Variants in OPCML observed in about 807,000 individuals in gnomAD.
The protein encoded by OPCML is opioid binding protein/cell adhesion molecule like, also known as opioid-binding protein/cell adhesion molecule.
OPCML carries 13 observed loss-of-function variants against 37.8 expected under a neutral mutation model. The ratio of observed to expected loss-of-function variants is 0.34; its 90% CI spans 0.22 to 0.55. The LOEUF is 0.55. Among genes scored for constraint, OPCML ranks in the 20% least tolerant of loss-of-function variants. The pLI is 0.91. For missense variants in OPCML, 341 were observed against 435.6 expected, an observed-to-expected ratio of 0.78 and a Z score of 1.93; for synonymous variants, 176 against 168.8, an observed-to-expected ratio of 1.04 and a Z score of -0.33.
chr11:132,779,385 T>G (rs551178889), intron 2 of OPCML, among the ~76,000 whole-genome samples: 3 of 152,306 alleles, frequency 2.0e-5, no homozygotes, highest in South Asian at 4.1e-4. Context: ...GTTTTTCCCT[T>G]ACTCTTTATC....
intron 1 of OPCML, among the ~76,000 whole-genome samples, chr11:133,386,071 G>A (rs1945041956): frequency 6.6e-6 from 1 of 152,208 alleles, no homozygotes; most frequent in Non-Finnish European, 1.5e-5. Flanking sequence ...GGAAGTGTGT[G>A]TTAATGAGCT....
intron 7 of OPCML, 57 bp from the exon 8 acceptor site, chr11:132,420,350 C>G: frequency 6.3e-7 from 1 of 1,597,152 alleles, no homozygotes. Context: ...CACCATAGTT[C>G]TTCCCTGACA....
Position 133,133,582 on chromosome 11 carries a change from T to C in OPCML, c.62-190572A>G, listed in dbSNP as rs750174569. Among the ~76,000 whole-genome samples the C allele has an allele frequency of 4.4e-4, 67 of 152,248 alleles. No homozygotes were observed. The Middle Eastern group carries it at 0.014, about 31-fold the overall frequency. Reference sequence around the variant, plus strand: ...GATCACCCTCGGAAAACGTGTCCCTTATGCCATCCCCCAGGAAGTGTAGTA... The same window carrying C: ...GATCACCCTCGGAAAACGTGTCCCTCATGCCATCCCCCAGGAAGTGTAGTA... On this transcript the variant is annotated intron_variant, in intron 1 of 7. Coordinates refer to ENST00000524381, the MANE Select transcript of OPCML (RefSeq NM_001012393.5).
chr11:133,018,878 A>G (rs1263458534), intron 1 of OPCML, among the ~76,000 whole-genome samples: 2 of 152,236 alleles, frequency 1.3e-5, no homozygotes, highest in Non-Finnish European at 2.9e-5. Context: ...GAGGACTGAC[A>G]AAACCAAAGC....
chr11:133,040,487 TC>T (rs1167720487), intron 1 of OPCML, among the ~76,000 whole-genome samples: 3 of 152,216 alleles, frequency 2.0e-5, no homozygotes, highest in African/African-American at 7.2e-5. Flanking sequence ...AAATGGAATG[TC>T]CATGACTTCC....
chr11:132,740,475 G>T (rs1945402587), intron 2 of OPCML, among the ~76,000 whole-genome samples: 1 of 152,182 alleles, frequency 6.6e-6, no homozygotes, highest in South Asian at 2.1e-4. Context: ...AAGTTATTCT[G>T]CCCTGAGACA....
intron 2 of OPCML, among the ~76,000 whole-genome samples, chr11:132,880,029 A>G (rs2136425375): frequency 6.6e-6 from 1 of 152,210 alleles, no homozygotes; most frequent in East Asian, 1.9e-4. Flanking sequence ...CACTTCCCAG[A>G]TGCACACTAA....
At chr11:133,168,365 T>C (rs1209816914) in intron 1 of OPCML, among the ~76,000 whole-genome samples, 1 of 150,808 alleles carries the variant, frequency 6.6e-6, no homozygotes, top group Non-Finnish European at 1.5e-5. Context: ...AAAAGAGGAG[T>C]GGGGAAGGTG....
At chr11:133,386,944 G>T (rs1010501117) in intron 1 of OPCML, among the ~76,000 whole-genome samples, 1 of 152,112 alleles carries the variant, frequency 6.6e-6, no homozygotes, top group Non-Finnish European at 1.5e-5. Context: ...GGCTGCAGAG[G>T]GTCCTGCCCA....
intron 2 of OPCML, among the ~76,000 whole-genome samples, chr11:132,937,230 C>A (rs1338856313): frequency 2.0e-5 from 3 of 152,146 alleles, no homozygotes; most frequent in Non-Finnish European, 2.9e-5. Flanking sequence ...CCCTCAGAGC[C>A]AGCCACCTAG....
chr11:133,413,121 G>A (rs78784821), intron 1 of OPCML, among the ~76,000 whole-genome samples: 15,407 of 152,160 alleles, frequency 0.1, 1,168 homozygotes, highest in African/African-American at 0.19. Context: ...TGGGGATGTG[G>A]AGGGCAGTGA....
At chr11:133,226,472 C>G (rs1940044569) in intron 1 of OPCML, among the ~76,000 whole-genome samples, 2 of 152,182 alleles carry the variant, frequency 1.3e-5, no homozygotes, top group South Asian at 4.1e-4. Context: ...TTCTTGTATC[C>G]CTGAAGGAAT....
At chr11:132,656,974 C>T in intron 3 of OPCML, 113 bp downstream of exon 3, 1 of 1,496,318 alleles carries the variant, frequency 6.7e-7, no homozygotes, top group African/African-American at 1.4e-5. Context: ...ACTCTGAATT[C>T]AGTAGAGGAA....
intron 2 of OPCML, among the ~76,000 whole-genome samples, chr11:132,742,844 A>G (rs895428867): frequency 4.2e-4 from 63 of 151,100 alleles, no homozygotes; most frequent in African/African-American, 1.4e-3. Flanking sequence ...TATAATGTAT[A>G]CATATATAAT....
At chr11:133,323,038 C>A (rs913349470) in intron 1 of OPCML, among the ~76,000 whole-genome samples, 1 of 152,132 alleles carries the variant, frequency 6.6e-6, no homozygotes, top group African/African-American at 2.4e-5. Flanking sequence ...GGGTACAGGA[C>A]ACGAGTCAGA....
intron 4 of OPCML, among the ~76,000 whole-genome samples, chr11:132,454,543 C>T (rs565255377): frequency 1.3e-5 from 2 of 152,200 alleles, no homozygotes; most frequent in African/African-American, 2.4e-5. Flanking sequence ...ACACTGCTCA[C>T]TGCGACAGCC....
At chr11:133,105,806 C>T (rs771544754) in intron 1 of OPCML, among the ~76,000 whole-genome samples, 21 of 151,992 alleles carry the variant, frequency 1.4e-4, no homozygotes, top group Admixed American at 5.2e-4. Context: ...CATGGTGAAA[C>T]CCCATCTCTA....
chr11:132,514,130 C>A (rs1186678314), intron 4 of OPCML, among the ~76,000 whole-genome samples: 1 of 152,088 alleles, frequency 6.6e-6, no homozygotes, highest in Admixed American at 6.6e-5. Context: ...TTTTTGTCTG[C>A]CTTTTGACAG....
At chr11:133,055,431 T>C (rs79796525) in intron 1 of OPCML, among the ~76,000 whole-genome samples, 59 of 106,792 alleles carry the variant, frequency 5.5e-4, no homozygotes, top group Admixed American at 1.4e-3. Flanking sequence ...ATGCTGCCTC[T>C]ATGATACTTC....
Sources: gnomAD v4.1 joint callset for allele counts (sites outside exome capture counted in the v4.1 genomes callset) on GRCh38, gnomAD v4.1.1 for gene constraint, MANE v1.5 for transcripts, NCBI Gene and HGNC (gene_info 2026-07-23, HGNC 2026-07-21) for gene names.